CMIP: variants seen among roughly 807,000 people sequenced by gnomAD.
CMIP encodes the protein c-Maf inducing protein.
A neutral mutation model predicts 97.3 loss-of-function variants in CMIP; 13 were observed. That is an observed-to-expected ratio of 0.13 (90% confidence interval 0.09 to 0.21). The LOEUF is 0.21. Ranked by LOEUF, CMIP falls within the 10% of genes least tolerant of loss-of-function variation. The pLI is 1.00. For missense variants in CMIP, 847 were observed against 1,024.9 expected, an observed-to-expected ratio of 0.83 and a Z score of 2.37; for synonymous variants, 538 against 436.3, an observed-to-expected ratio of 1.23 and a Z score of -2.91.
chr16:81,612,374 G>T (rs1234258253), intron 2 of CMIP, among the ~76,000 whole-genome samples: 36 of 152,142 alleles, frequency 2.4e-4, no homozygotes, highest in Non-Finnish European at 2.9e-5. Flanking sequence ...CAATGTTCTG[G>T]AAAGTCCTGC....
intron 1 of CMIP, among the ~76,000 whole-genome samples, chr16:81,446,013 A>G (rs1905818484): frequency 1.3e-5 from 2 of 151,774 alleles, no homozygotes; most frequent in South Asian, 4.2e-4. Context: ...CCCAAACCCA[A>G]AGAATTTCCA....
intron 1 of CMIP, among the ~76,000 whole-genome samples, chr16:81,555,096 G>T (rs570006434): frequency 6.6e-6 from 1 of 152,156 alleles, no homozygotes; most frequent in Non-Finnish European, 1.5e-5. Flanking sequence ...TCCCACACAC[G>T]CAAGGCCTCA....
chr16:81,553,580 C>G (rs371842255), intron 1 of CMIP, among the ~76,000 whole-genome samples: 3 of 152,180 alleles, frequency 2.0e-5, no homozygotes, highest in Admixed American at 1.3e-4. Flanking sequence ...TCCTTTCACC[C>G]GGCAGTGGGG....
intron 1 of CMIP, among the ~76,000 whole-genome samples, chr16:81,592,119 T>A (rs2091475595): frequency 6.6e-6 from 1 of 152,202 alleles, no homozygotes; most frequent in Admixed American, 6.5e-5. Flanking sequence ...CCACTGCGCC[T>A]GGCTGCAGTT....
At chr16:81,654,649 C>T (rs2092463719) in intron 4 of CMIP, among the ~76,000 whole-genome samples, 1 of 152,150 alleles carries the variant, frequency 6.6e-6, no homozygotes, top group South Asian at 2.1e-4. Context: ...GTTTGATGGC[C>T]CTTAGACCTC....
At chr16:81,617,656 C>A (rs1388761116) in intron 2 of CMIP, 1 of 152,380 alleles carries the variant, frequency 6.6e-6, no homozygotes, top group African/African-American at 2.4e-5. Context: ...TCACTTTCCT[C>A]TTTCTTCCTT....
rs1376939863 is a variant in CMIP, at chr16:81,627,735, G to C, written c.477+6809G>C. 6.6e-6 allele frequency among the ~76,000 whole-genome samples: 1 copy of C among 152,178 alleles called. No homozygotes were observed. Among genetic ancestry groups the C allele is most frequent in the Non-Finnish European group, 1.5e-5 (1 of 68,028 alleles). On this transcript the variant is annotated intron_variant, in intron 3 of 20. Coordinates refer to ENST00000537098, the MANE Select transcript of CMIP (RefSeq NM_198390.3). This position sits in a 1 kb window ranked among gnomAD's most constrained non-coding sequence, Gnocchi z 4.6. ...AGCGTCCAAGTGGATAAAGGATGAG[G>C]ATAAAGGACCGTGCCAAAGCCAGAT...
At chr16:81,693,713 G>A (rs1298869649) in intron 13 of CMIP, among the ~76,000 whole-genome samples, 1 of 152,228 alleles carries the variant, frequency 6.6e-6, no homozygotes, top group Non-Finnish European at 1.5e-5. Context: ...CCACTGGCTG[G>A]TGGTTTCTGC....
At chr16:81,663,949 C>G (rs1234442425) in intron 6 of CMIP, among the ~76,000 whole-genome samples, 2 of 152,146 alleles carry the variant, frequency 1.3e-5, no homozygotes, top group Non-Finnish European at 2.9e-5. Flanking sequence ...GCCTGCGTGC[C>G]CAGGGTACAT....
rs751948580 is a variant in CMIP at position 81,704,032 on chromosome 16, G to A, written c.2038G>A (p.Glu680Lys). The change falls in exon 18 of 21, where the codon GAG becomes AAG. Residue 680 changes from glutamate to lysine, a missense_variant. Around this residue, in one of 4 missense-constraint regions of CMIP, gnomAD observed 266 missense variants for 384.2 expected, o/e 0.69. Coordinates refer to ENST00000537098, the MANE Select transcript of CMIP (RefSeq NM_198390.3). The part of the protein sequence containing the change: ...AFTNVTSACA[E>K]HLIKLPSLKQ... Reference sequence around the variant, plus strand: ...CACCAATGTAACCAGTGCCTGCGCCGAGCACCTCATCAAACTGCCTTCGCT... The same window carrying A: ...CACCAATGTAACCAGTGCCTGCGCCAAGCACCTCATCAAACTGCCTTCGCT... 45 of 1,605,436 alleles carry A rather than the reference G, an allele frequency of 2.8e-5. No individual in the cohort carries two copies. Among genetic ancestry groups the A allele is most frequent in the Non-Finnish European group, 3.7e-5 (44 of 1,176,650 alleles).
intron 1 of CMIP, among the ~76,000 whole-genome samples, chr16:81,491,179 G>A (rs1477848370): frequency 6.6e-6 from 1 of 152,192 alleles, no homozygotes; most frequent in Non-Finnish European, 1.5e-5. Flanking sequence ...CAGGAACGGT[G>A]TCACCCATCA....
At chr16:81,516,129 G>A (rs556773146) in intron 1 of CMIP, among the ~76,000 whole-genome samples, 23 of 152,216 alleles carry the variant, frequency 1.5e-4, no homozygotes, top group African/African-American at 4.6e-4. Flanking sequence ...AGTGCCCTGC[G>A]TTGGAGTCTC....
chr16:81,519,237 T>C (rs2089974460), intron 1 of CMIP: 1 of 152,246 alleles, frequency 6.6e-6, no homozygotes, highest in Admixed American at 6.5e-5. Context: ...AGGTTGAGGC[T>C]ACAGTGAGCT....
At chr16:81,691,349 A>AACCTAATC (rs200017154) in intron 10 of CMIP, among the ~76,000 whole-genome samples, 2,249 of 151,920 alleles carry the variant, frequency 0.015, 34 homozygotes, top group Non-Finnish European at 0.023. Flanking sequence ...GCCTCATTGT[A>AACCTAATC]ACCTAATCAC....
chr16:81,651,225 A>T (rs982414317), intron 3 of CMIP: 10 of 152,774 alleles, frequency 6.5e-5, no homozygotes, highest in Admixed American at 3.9e-4. Flanking sequence ...AAGTCTCTCA[A>T]GCAGGCCGGG....
At chr16:81,610,922 C>G (rs2091821580) in intron 2 of CMIP, among the ~76,000 whole-genome samples, 1 of 152,114 alleles carries the variant, frequency 6.6e-6, no homozygotes, top group Non-Finnish European at 1.5e-5. Flanking sequence ...AGAACAACCC[C>G]TTTGGCCCTG....
chr16:81,529,517 A>G (rs2090192825), intron 1 of CMIP, among the ~76,000 whole-genome samples: 2 of 152,272 alleles, frequency 1.3e-5, no homozygotes, highest in South Asian at 4.1e-4. Flanking sequence ...TGGGCCCTCA[A>G]AGATGCCCAT....
intron 1 of CMIP, among the ~76,000 whole-genome samples, chr16:81,569,020 G>A (rs1047911683): frequency 6.6e-6 from 1 of 152,214 alleles, no homozygotes; most frequent in African/African-American, 2.4e-5. Context: ...AACAGGGGGT[G>A]CAGTTTTTCA....
intron 1 of CMIP, 56 bp from the exon 2 acceptor site, chr16:81,607,511 G>A (rs2091763458): frequency 3.1e-6 from 5 of 1,596,012 alleles, no homozygotes; most frequent in East Asian, 2.2e-5. Context: ...AGATGCGGAC[G>A]TCATGCCTGC....
Sources: allele counts gnomAD v4.1 joint callset (sites outside exome capture counted in the v4.1 genomes callset), GRCh38; gene constraint gnomAD v4.1.1; regional missense constraint gnomAD v4.1.1; non-coding constraint Gnocchi (gnomAD v3.1); transcripts MANE v1.5; gene names NCBI Gene and HGNC (gene_info 2026-07-23, HGNC 2026-07-21).